Variants in PRELID3A observed in about 807,000 individuals in gnomAD.
PRELID3A encodes PRELI domain containing 3A.
Under a neutral mutation model 23.0 loss-of-function variants are expected in PRELID3A, and 27 were observed. The observed-to-expected ratio is 1.17, with a 90% CI of 0.87 to 1.62. PRELID3A has a LOEUF of 1.62. Ranked by LOEUF, PRELID3A falls within the 40% of genes most tolerant of loss-of-function variation. PRELID3A has a pLI of 0.00. For synonymous variants in PRELID3A, 87 were observed against 86.4 expected (o/e 1.01, Z -0.04); for missense variants, 231 against 231.4 (o/e 1.00, Z 0.01).
At chr18:12,411,465 C>CAAAAAAA (rs398059054) in intron 1 of PRELID3A, among the ~76,000 whole-genome samples, 2 of 89,658 alleles carry the variant, frequency 2.2e-5, no homozygotes, top group Non-Finnish European at 2.1e-5. Flanking sequence ...GACTCCGTCT[C>CAAAAAAA]AAAAAAAAAA....
chr18:12,409,328 G>T lies in PRELID3A; in HGVS notation c.32+1321G>T, dbSNP rs1335735263. On this transcript the variant is annotated intron_variant, in intron 1 of 6. Coordinates refer to ENST00000440960, the MANE Select transcript of PRELID3A (RefSeq NM_001142405.2). The stretch of plus-strand genomic sequence containing the variant: ...ACTACAGGTGTGGGCCATCACGCCC[G>T]GCTAATTTTTGTATTTTTAGTAGAA... 2.6e-5 allele frequency among the ~76,000 whole-genome samples: 4 copies of T among 151,796 alleles called. No homozygotes were observed. In the East Asian group the frequency reaches 7.7e-4, roughly 29 times the overall value.
intron 5 of PRELID3A, among the ~76,000 whole-genome samples, chr18:12,429,125 C>T (rs1356913936): frequency 1.3e-5 from 2 of 152,106 alleles, no homozygotes; most frequent in African/African-American, 2.4e-5. Flanking sequence ...CTAAGCCGGG[C>T]GCTGGTTTGC....
intron 2 of PRELID3A, among the ~76,000 whole-genome samples, chr18:12,420,982 T>C (rs2030162099): frequency 6.6e-6 from 1 of 152,150 alleles, no homozygotes; most frequent in Admixed American, 6.5e-5. Flanking sequence ...AGCCGCATCC[T>C]AGGGCACCGG....
At chr18:12,429,325 G>T (rs1161441229) in intron 5 of PRELID3A, 25 bp from the exon 6 acceptor site, 34 of 1,612,016 alleles carry the variant, frequency 2.1e-5, no homozygotes, top group Non-Finnish European at 2.8e-5. Flanking sequence ...GACCCACTCA[G>T]TGCTGAAATC....
At chr18:12,425,558 G>C (rs1200158900) in intron 3 of PRELID3A, among the ~76,000 whole-genome samples, 2 of 151,368 alleles carry the variant, frequency 1.3e-5, no homozygotes, top group Non-Finnish European at 2.9e-5. Flanking sequence ...TGTGAACCCA[G>C]AAGGCGGAGC....
chr18:12,419,982 G>C (rs898619543), intron 1 of PRELID3A: 3 of 368,680 alleles, frequency 8.1e-6, no homozygotes, highest in Non-Finnish European at 1.4e-5. Context: ...CCAGCTACTG[G>C]AGGTGGGGCA....
intron 1 of PRELID3A, among the ~76,000 whole-genome samples, chr18:12,417,168 T>TTTTTTA (rs557409927): frequency 6.6e-6 from 1 of 152,050 alleles, no homozygotes; most frequent in Non-Finnish European, 1.5e-5. Flanking sequence ...AGATGCAAAT[T>TTTTTTA]TTTTTATTTT....
At chr18:12,420,198 G>T in intron 1 of PRELID3A, 127 bp from the exon 2 acceptor site, 1 of 1,442,524 alleles carries the variant, frequency 6.9e-7, no homozygotes. Flanking sequence ...CAGATTTGTC[G>T]GACCAGCCTT....
intron 3 of PRELID3A, among the ~76,000 whole-genome samples, chr18:12,424,703 T>C (rs12457016): frequency 0.43 from 66,040 of 152,094 alleles, 15,643 homozygotes; most frequent in Middle Eastern, 0.68. Flanking sequence ...TGCTTTTCAC[T>C]GTTTAAACTT....
chr18:12,416,117 G>A (rs1032207281), intron 1 of PRELID3A, among the ~76,000 whole-genome samples: 1 of 152,196 alleles, frequency 6.6e-6, no homozygotes, highest in African/African-American at 2.4e-5. Context: ...CGGCAGGGGC[G>A]GGGTGTCCAT....
At chr18:12,420,817 T>A (rs1462684644) in intron 2 of PRELID3A, among the ~76,000 whole-genome samples, 2 of 95,542 alleles carry the variant, frequency 2.1e-5, no homozygotes, top group Admixed American at 1.0e-4. Context: ...GGTGGGGGGG[T>A]CTTCCTCGAG....
intron 1 of PRELID3A, chr18:12,420,090 G>A (rs886653053): frequency 7.1e-7 from 1 of 1,402,592 alleles, no homozygotes; most frequent in Non-Finnish European, 9.3e-7. Context: ...GGGCGACAGA[G>A]TGAGACCCTG....
At chr18:12,412,375 A>G (rs1269890981) in intron 1 of PRELID3A, among the ~76,000 whole-genome samples, 2 of 150,308 alleles carry the variant, frequency 1.3e-5, no homozygotes, top group East Asian at 3.9e-4. Flanking sequence ...TTTAGTAGAG[A>G]CGGGGTTTCG....
At chr18:12,421,449 G>A (rs772436943) in intron 2 of PRELID3A, 91 bp from the exon 3 acceptor site, 155 of 831,694 alleles carry the variant, frequency 1.9e-4, no homozygotes, top group Middle Eastern at 4.7e-4. Context: ...TTCTTGAATA[G>A]TGAACTAATT....
intron 1 of PRELID3A, among the ~76,000 whole-genome samples, chr18:12,412,471 AGCCACTGC>A (rs1909952333): frequency 6.6e-6 from 1 of 152,254 alleles, no homozygotes; most frequent in Admixed American, 6.5e-5. Flanking sequence ...TACAGGCGTG[AGCCACTGC>A]GCCTAGCCCT....
At chr18:12,418,015 G>A (rs2030019361) in intron 1 of PRELID3A, among the ~76,000 whole-genome samples, 1 of 152,200 alleles carries the variant, frequency 6.6e-6, no homozygotes, top group African/African-American at 2.4e-5. Flanking sequence ...GCGAGACCTG[G>A]TTCTCATCTG....
chr18:12,429,069 C>T (rs2030471628), intron 5 of PRELID3A, among the ~76,000 whole-genome samples: 1 of 152,116 alleles, frequency 6.6e-6, no homozygotes, highest in Non-Finnish European at 1.5e-5. Context: ...GGGGCAGCCT[C>T]AGCGCTGGGA....
chr18:12,419,325 CAAAAA>C (rs71172083), intron 1 of PRELID3A, among the ~76,000 whole-genome samples: 2 of 104,502 alleles, frequency 1.9e-5, no homozygotes, highest in African/African-American at 3.8e-5. Flanking sequence ...GACTCCATAT[CAAAAA>C]AAAAAAAAAA....
intron 1 of PRELID3A, among the ~76,000 whole-genome samples, chr18:12,411,146 T>C (rs1598854244): frequency 2.0e-5 from 3 of 151,956 alleles, no homozygotes; most frequent in African/African-American, 4.8e-5. Context: ...AATTAACGTG[T>C]GTGTTACCTA....
Sources: gnomAD v4.1 joint callset for allele counts (sites outside exome capture counted in the v4.1 genomes callset) on GRCh38, gnomAD v4.1.1 for gene constraint, MANE v1.5 for transcripts, NCBI Gene and HGNC (gene_info 2026-07-23, HGNC 2026-07-21) for gene names.